DGKB: variants seen among roughly 807,000 people sequenced by gnomAD.
The protein encoded by DGKB is 90 kDa diacylglycerol kinase.
DGKB carries 67 observed loss-of-function variants against 114.3 expected under a neutral mutation model. The observed-to-expected ratio is 0.59, with a 90% confidence interval of 0.48 to 0.72. The LOEUF (loss-of-function observed/expected upper bound fraction) is 0.72, where lower values mean the gene tolerates loss of function less well. Among genes scored for constraint, DGKB ranks in the 30% least tolerant of loss-of-function variants. The probability of loss-of-function intolerance (pLI) is 0.00; values close to 1 mark genes in which losing one functional copy is unlikely to be tolerated. For missense variants in DGKB, 907 were observed against 975.2 expected (o/e 0.93, Z 0.93); for synonymous variants, 398 against 323.1 (o/e 1.23, Z -2.49).
upstream of DGKB, among the ~76,000 whole-genome samples, chr7:14,905,244 G>T (rs977519772): frequency 7.9e-5 from 11 of 139,350 alleles, no homozygotes; most frequent in East Asian, 2.1e-4. Context: ...CATCTTGTTA[G>T]TTTTTTTTTT....
At chr7:14,619,398 A>G (rs1362144118) in intron 15 of DGKB, among the ~76,000 whole-genome samples, 2 of 151,832 alleles carry the variant, frequency 1.3e-5, no homozygotes, top group African/African-American at 4.8e-5. Flanking sequence ...AATAGAAAAT[A>G]AAATCAAACA....
intron 21 of DGKB, among the ~76,000 whole-genome samples, chr7:14,419,778 T>G (rs1364396248): frequency 6.6e-6 from 1 of 151,996 alleles, no homozygotes; most frequent in African/African-American, 2.4e-5. Flanking sequence ...ATATAAACTA[T>G]GTGACAAATG....
intron 13 of DGKB, among the ~76,000 whole-genome samples, chr7:14,641,075 A>G (rs4424153): frequency 0.82 from 124,188 of 152,080 alleles, 50,980 homozygotes; most frequent in East Asian, 0.9. Flanking sequence ...CTTTTATGCC[A>G]TAGTTTGTGG....
At chr7:14,281,200 G>A (rs1371646401) in intron 23 of DGKB, among the ~76,000 whole-genome samples, 3 of 149,898 alleles carry the variant, frequency 2.0e-5, no homozygotes, top group Non-Finnish European at 4.4e-5. Flanking sequence ...AAACAGGCAG[G>A]GGTTGCAATC....
At chr7:14,329,614 C>A (rs1809362862) in intron 23 of DGKB, among the ~76,000 whole-genome samples, 1 of 151,934 alleles carries the variant, frequency 6.6e-6, no homozygotes, top group Non-Finnish European at 1.5e-5. Flanking sequence ...TTAAAATCCT[C>A]CCCAACTGAT....
At chr7:14,823,615 G>T (rs1380238930) in intron 2 of DGKB, among the ~76,000 whole-genome samples, 1 of 150,702 alleles carries the variant, frequency 6.6e-6, no homozygotes, top group Non-Finnish European at 1.5e-5. Flanking sequence ...TTGACACTGG[G>T]AAAAAGAAAA....
intron 4 of DGKB, among the ~76,000 whole-genome samples, chr7:14,743,778 A>G (rs1180316800): frequency 2.0e-5 from 3 of 152,158 alleles, no homozygotes; most frequent in Non-Finnish European, 4.4e-5. Flanking sequence ...CATTTTGTCA[A>G]TCACATTTCT....
chr7:14,435,964 A>C (rs1004657954), intron 21 of DGKB, among the ~76,000 whole-genome samples: 2 of 152,110 alleles, frequency 1.3e-5, no homozygotes, highest in African/African-American at 4.8e-5. Flanking sequence ...ACTTAGAATA[A>C]TATCAAAGGG....
At chr7:14,151,987 CAG>C (rs1238040551) in intron 25 of DGKB, among the ~76,000 whole-genome samples, 1 of 152,010 alleles carries the variant, frequency 6.6e-6, no homozygotes, top group East Asian at 1.9e-4. Flanking sequence ...TAGGAAGCTG[CAG>C]AGACTCAAGT....
intron 2 of DGKB, among the ~76,000 whole-genome samples, chr7:14,794,357 T>C (rs1841106572): frequency 6.6e-6 from 1 of 152,118 alleles, no homozygotes; most frequent in Non-Finnish European, 1.5e-5. Context: ...TATGGAGATA[T>C]AGAAAATATC....
chr7:14,334,688 C>A (rs1171348641), intron 23 of DGKB, among the ~76,000 whole-genome samples: 1 of 151,724 alleles, frequency 6.6e-6, no homozygotes, highest in Non-Finnish European at 1.5e-5. Flanking sequence ...GTCTTTATAT[C>A]TTTTAAAATG....
rs138621164 is a variant in DGKB, at chr7:14,488,166, T to G, written c.1771-9941A>C. ...TTACAAATATTTCATACAGAAGAGT[T>G]CATGAAATTGGGCAGACTAATTCAA... On this transcript the variant is annotated intron_variant, in intron 20 of 25. Transcript: ENST00000402815. Among the ~76,000 whole-genome samples, 39 of 152,216 alleles carry G rather than the reference T, an allele frequency of 2.6e-4. 1 individual carries two copies. Among genetic ancestry groups the G allele is most frequent in the African/African-American group, 9.1e-4 (38 of 41,556 alleles).
At chr7:14,422,298 C>T (rs1457855438) in intron 21 of DGKB, among the ~76,000 whole-genome samples, 10 of 152,036 alleles carry the variant, frequency 6.6e-5, no homozygotes, top group Middle Eastern at 3.4e-3. Context: ...GGAGTAAATA[C>T]TTGTTTATTT....
At chr7:14,621,926 AC>A (rs1290231287) in intron 14 of DGKB, among the ~76,000 whole-genome samples, 1 of 152,158 alleles carries the variant, frequency 6.6e-6, no homozygotes, top group African/African-American at 2.4e-5. Context: ...CTTTTAAGCT[AC>A]TATTTATATC....
chr7:14,734,193 C>T (rs1030571182), intron 5 of DGKB, among the ~76,000 whole-genome samples: 7 of 96,386 alleles, frequency 7.3e-5, no homozygotes, highest in African/African-American at 1.9e-4. Flanking sequence ...TGCCACCATG[C>T]CCGGCTAATT....
intron 20 of DGKB, among the ~76,000 whole-genome samples, chr7:14,532,069 C>A (rs1303721450): frequency 4.0e-5 from 6 of 151,130 alleles, no homozygotes. Context: ...AGAACTATAT[C>A]CATATCGTTC....
chr7:14,429,284 C>G (rs1328525113), intron 21 of DGKB, among the ~76,000 whole-genome samples: 2 of 151,910 alleles, frequency 1.3e-5, no homozygotes, highest in African/African-American at 4.8e-5. Context: ...ATTAGTGGTG[C>G]CATAAGAAGA....
intron 20 of DGKB, among the ~76,000 whole-genome samples, chr7:14,518,608 T>G (rs1584523434): frequency 6.6e-6 from 1 of 152,202 alleles, no homozygotes; most frequent in East Asian, 1.9e-4. Flanking sequence ...AATAAGTTTT[T>G]GGCTTCTGAG....
At chr7:14,166,869 A>C (rs1255196497) in intron 25 of DGKB, among the ~76,000 whole-genome samples, 1 of 152,170 alleles carries the variant, frequency 6.6e-6, no homozygotes, top group African/African-American at 2.4e-5. Flanking sequence ...TGGTACAAAA[A>C]TAGGAAAGAA....
Sources: gnomAD v4.1 joint callset for allele counts (sites outside exome capture counted in the v4.1 genomes callset) on GRCh38, gnomAD v4.1.1 for gene constraint, MANE v1.5 for transcripts, NCBI Gene and HGNC (gene_info 2026-07-23, HGNC 2026-07-21) for gene names.